Variants in KCND2 observed in about 807,000 individuals in gnomAD.
KCND2 encodes the protein A-type voltage-gated potassium channel KCND2.
KCND2 carries 16 observed loss-of-function variants against 54.4 expected under a neutral mutation model. The ratio of observed to expected loss-of-function variants is 0.29; its 90% CI spans 0.20 to 0.45. The LOEUF (loss-of-function observed/expected upper bound fraction) is 0.45. Among genes scored for constraint, KCND2 ranks in the 20% least tolerant of loss-of-function variants. The probability of loss-of-function intolerance (pLI) is 1.00; values close to 1 mark genes in which losing one functional copy is unlikely to be tolerated. For synonymous variants in KCND2, 317 were observed against 310.7 expected, an observed-to-expected ratio of 1.02 and a Z score of -0.21; for missense variants, 486 against 824.2, an observed-to-expected ratio of 0.59 and a Z score of 5.02.
At chr7:120,583,957 C>A (rs1792554271) in intron 1 of KCND2, among the ~76,000 whole-genome samples, 1 of 152,216 alleles carries the variant, frequency 6.6e-6, no homozygotes, top group Non-Finnish European at 1.5e-5. Flanking sequence ...GGGAAGGTGT[C>A]AACCACAGGA....
intron 1 of KCND2, among the ~76,000 whole-genome samples, chr7:120,430,919 AT>A (rs1801780143): frequency 1.3e-5 from 2 of 152,168 alleles, no homozygotes; most frequent in Admixed American, 1.3e-4. Context: ...AATTTTTATT[AT>A]TTTTAATGAA....
At chr7:120,446,812 A>ACC (rs1563048878) in intron 1 of KCND2, among the ~76,000 whole-genome samples, 18 of 152,176 alleles carry the variant, frequency 1.2e-4, no homozygotes, top group African/African-American at 4.3e-4. Flanking sequence ...TAACGTAGCT[A>ACC]ATAATTAGTT....
chr7:120,728,300 A>T (rs188411183), intron 1 of KCND2, among the ~76,000 whole-genome samples: 12,963 of 133,686 alleles, frequency 0.097, 647 homozygotes, highest in South Asian at 0.13. Context: ...TTTTTTTTTT[A>T]AAAATTTTGA....
intron 1 of KCND2, among the ~76,000 whole-genome samples, chr7:120,373,611 C>T (rs1394684096): frequency 4.0e-5 from 6 of 151,798 alleles, no homozygotes; most frequent in Non-Finnish European, 5.9e-5. Context: ...GGGAAGAAAG[C>T]GATCATCAGT....
At chr7:120,512,359 TA>T (rs901029222) in intron 1 of KCND2, among the ~76,000 whole-genome samples, 1 of 152,072 alleles carries the variant, frequency 6.6e-6, no homozygotes, top group Admixed American at 6.6e-5. Context: ...TAAATATAAA[TA>T]AAAACATTTT....
chr7:120,458,585 C>T (rs1800992714), intron 1 of KCND2, among the ~76,000 whole-genome samples: 1 of 151,980 alleles, frequency 6.6e-6, no homozygotes, highest in Non-Finnish European at 1.5e-5. Context: ...TGCTCAAATA[C>T]AAAATTTGAA....
intron 1 of KCND2, among the ~76,000 whole-genome samples, chr7:120,390,456 A>G (rs1332881918): frequency 6.6e-6 from 1 of 151,910 alleles, no homozygotes; most frequent in Non-Finnish European, 1.5e-5. Context: ...TACCCTTATG[A>G]GATACCTTAA....
intron 1 of KCND2, among the ~76,000 whole-genome samples, chr7:120,514,853 G>A (rs542619867): frequency 6.6e-6 from 1 of 151,950 alleles, no homozygotes; most frequent in Non-Finnish European, 1.5e-5. Context: ...AATGTGGCCT[G>A]GTTCCTAACA....
Position 120,745,846 on chromosome 7 carries a change from C to T in KCND2, c.1534C>T (p.Pro512Ser), listed in dbSNP as rs372198586. Residue 512 changes from proline to serine, a missense_variant, in exon 5 of 6, where the codon CCT becomes TCT. Transcript: ENST00000331113. ...CATGGAAGTTGCAACTGTTAATCGT[C>T]CTTCAAGTCACAGTCCTTCACTGTC... ...SCMEVATVNR[P>S]SSHSPSLSSQ... 32 of 1,613,584 alleles carry T rather than the reference C, an allele frequency of 2.0e-5. No individual in the cohort carries two copies. The African/African-American group carries it at 4.0e-4, about 20-fold the overall frequency.
At chr7:120,469,492 G>A (rs1373077665) in intron 1 of KCND2, among the ~76,000 whole-genome samples, 5 of 152,072 alleles carry the variant, frequency 3.3e-5, no homozygotes, top group African/African-American at 1.2e-4. Context: ...AAGGATATGG[G>A]AGAGTCTAAC....
intron 1 of KCND2, among the ~76,000 whole-genome samples, chr7:120,348,428 T>G (rs1800356214): frequency 6.6e-6 from 1 of 152,200 alleles, no homozygotes; most frequent in African/African-American, 2.4e-5. Flanking sequence ...ATTAAAATAT[T>G]GACAAGACTA....
intron 1 of KCND2, among the ~76,000 whole-genome samples, chr7:120,541,944 G>A (rs1390536008): frequency 1.3e-5 from 2 of 152,078 alleles, no homozygotes; most frequent in Admixed American, 6.6e-5. Context: ...TCATTATAAT[G>A]TTCTGAATGT....
At chr7:120,330,527 G>A (rs1436111132) in intron 1 of KCND2, among the ~76,000 whole-genome samples, 1 of 131,372 alleles carries the variant, frequency 7.6e-6, no homozygotes, top group Admixed American at 8.9e-5. Context: ...GTTTCAGTGA[G>A]CTGAGATTGT....
intron 1 of KCND2, among the ~76,000 whole-genome samples, chr7:120,718,537 T>C (rs1792630489): frequency 6.6e-6 from 1 of 152,154 alleles, no homozygotes; most frequent in South Asian, 2.1e-4. Context: ...TAGGCTTGTT[T>C]TTGCATGACA....
rs1182511292 is a variant in KCND2 at position 120,750,230 on chromosome 7, T to G, written c.*2372T>G. 6.6e-6 allele frequency: 1 copy of G among 152,412 alleles called. No homozygotes were observed. The highest frequency in any genetic ancestry group is 1.5e-5 in the Non-Finnish European group (1 of 67,884). The allele number at this position is 152,412 out of a possible 1,614,324, so 9.4% of individuals were successfully genotyped here. On this transcript the variant is annotated 3_prime_UTR_variant, in exon 6 of 6. Coordinates refer to ENST00000331113, the MANE Select transcript of KCND2 (RefSeq NM_012281.3). ...TGTTTTTGACAATTTTGTTTGAAATTCATATATCTTATTTCAAAGGATAGC... is the reference window on the plus strand; with the variant it reads ...TGTTTTTGACAATTTTGTTTGAAATGCATATATCTTATTTCAAAGGATAGC...
chr7:120,466,995 A>C (rs1802380291), intron 1 of KCND2, among the ~76,000 whole-genome samples: 1 of 152,106 alleles, frequency 6.6e-6, no homozygotes, highest in Admixed American at 6.6e-5. Context: ...CCATCTTTGA[A>C]AGACATTCGT....
intron 1 of KCND2, among the ~76,000 whole-genome samples, chr7:120,575,651 A>C (rs1380992157): frequency 1.3e-5 from 2 of 152,124 alleles, no homozygotes; most frequent in African/African-American, 2.4e-5. Flanking sequence ...CCAGCCACCC[A>C]AAATTTGTAC....
At chr7:120,501,973 T>A (rs1195034424) in intron 1 of KCND2, among the ~76,000 whole-genome samples, 3 of 152,080 alleles carry the variant, frequency 2.0e-5, no homozygotes, top group African/African-American at 7.2e-5. Flanking sequence ...AGAAAAACAA[T>A]CTGTAGAAAG....
At chr7:120,627,304 TA>T (rs1422994679) in intron 1 of KCND2, among the ~76,000 whole-genome samples, 14 of 152,198 alleles carry the variant, frequency 9.2e-5, no homozygotes, top group Non-Finnish European at 1.5e-4. Flanking sequence ...TAATTATTTT[TA>T]AAATGAATAT....
Sources: allele counts gnomAD v4.1 joint callset (sites outside exome capture counted in the v4.1 genomes callset), GRCh38; gene constraint gnomAD v4.1.1; transcripts MANE v1.5; gene names NCBI Gene and HGNC (gene_info 2026-07-23, HGNC 2026-07-21).